PHACTR3: variants seen among roughly 807,000 people sequenced by gnomAD.
The protein encoded by PHACTR3 is protein phosphatase 1, regulatory subunit 123.
A neutral mutation model predicts 66.8 loss-of-function variants in PHACTR3; 16 were observed. That is an observed-to-expected ratio of 0.24 (90% CI 0.16 to 0.36). The LOEUF (loss-of-function observed/expected upper bound fraction) is 0.36. Among genes scored for constraint, PHACTR3 ranks in the 10% least tolerant of loss-of-function variants. PHACTR3 has a pLI of 1.00. For missense variants in PHACTR3, 647 were observed against 719.9 expected (o/e 0.90, Z 1.16); for synonymous variants, 323 against 292.1 (o/e 1.11, Z -1.08).
chr20:59,642,184 A>C (rs147904566), intron 1 of PHACTR3, among the ~76,000 whole-genome samples: 1 of 152,264 alleles, frequency 6.6e-6, no homozygotes, highest in Non-Finnish European at 1.5e-5. Context: ...AGGAAAAAAA[A>C]GACTTAGACA....
intron 1 of PHACTR3, among the ~76,000 whole-genome samples, chr20:59,617,279 A>C (rs962223429): frequency 9.9e-5 from 15 of 151,796 alleles, no homozygotes; most frequent in Non-Finnish European, 1.3e-4. Flanking sequence ...AGAAAAACCC[A>C]AAAAAAACAA....
At position 59,678,307 on chromosome 20, in the gene PHACTR3, C is replaced by T. The variant is rs1192643293; in HGVS notation, c.119-64800C>T. Among the ~76,000 whole-genome samples the T allele has an allele frequency of 2.6e-5, 4 of 152,232 alleles. No homozygotes were observed. The South Asian group carries it at 8.3e-4, about 32-fold the overall frequency. ...TTGCTTGTGGGGTGACTGTTCATAT[C>T]GTGGATGCTCAGAAAATTCTATTTT... On this transcript the variant is annotated intron_variant, in intron 1 of 12. Coordinates refer to ENST00000371015, the MANE Select transcript of PHACTR3 (RefSeq NM_080672.5).
chr20:59,640,136 G>A (rs141567949), intron 1 of PHACTR3, among the ~76,000 whole-genome samples: 42 of 152,376 alleles, frequency 2.8e-4, no homozygotes, highest in African/African-American at 8.9e-4. Context: ...CAGACCCTGG[G>A]TCAGCCCGTC....
chr20:59,588,737 T>A (rs2033108745), intron 1 of PHACTR3, among the ~76,000 whole-genome samples: 1 of 151,798 alleles, frequency 6.6e-6, no homozygotes, highest in Non-Finnish European at 1.5e-5. Flanking sequence ...CTGGCCTCCA[T>A]GCCTGGCACA....
At position 59,747,809 on chromosome 20, in the gene PHACTR3, A is replaced by G. The variant is rs768953126; in HGVS notation, c.332A>G (p.Lys111Arg). Residue 111 changes from lysine to arginine, a missense_variant, in exon 3 of 13, where the codon AAG becomes AGG. This residue lies in a region of PHACTR3 where 577 missense variants were observed against 571.1 expected (regional missense o/e 1.01). Transcript: ENST00000371015. ...GRQGREELIK[K>R]GLLEMMEQDA... ...CAAGGCCGAGAGGAGCTCATCAAGAAGGGGCTGCTGGAGATGATGGAGCAG... is the reference window on the plus strand; with the variant it reads ...CAAGGCCGAGAGGAGCTCATCAAGAGGGGGCTGCTGGAGATGATGGAGCAG... 1.2e-6 allele frequency: 2 copies of G among 1,614,014 alleles called. No homozygotes were observed. The highest frequency in any genetic ancestry group is 4.5e-5 in the East Asian group (2 of 44,890).
chr20:59,673,144 C>G (rs1169527974), intron 1 of PHACTR3, among the ~76,000 whole-genome samples: 1 of 152,178 alleles, frequency 6.6e-6, no homozygotes, highest in African/African-American at 2.4e-5. Flanking sequence ...GGGCATCTTC[C>G]TGGGACAACC....
chr20:59,691,487 A>G (rs988054304), intron 1 of PHACTR3, among the ~76,000 whole-genome samples: 11 of 152,046 alleles, frequency 7.2e-5, no homozygotes, highest in African/African-American at 2.7e-4. Flanking sequence ...CTATTTTTGG[A>G]CTTTTCATTT....
intron 1 of PHACTR3, among the ~76,000 whole-genome samples, chr20:59,654,464 G>T (rs551448369): frequency 3.3e-5 from 5 of 152,062 alleles, no homozygotes; most frequent in Non-Finnish European, 7.4e-5. Context: ...GGATAAATCA[G>T]GCTGATATAA....
At chr20:59,700,630 G>T (rs559729587) in intron 1 of PHACTR3, among the ~76,000 whole-genome samples, 1 of 152,262 alleles carries the variant, frequency 6.6e-6, no homozygotes, top group African/African-American at 2.4e-5. Context: ...ACTTGAAATG[G>T]TATGATATCT....
chr20:59,836,476 C>G, intron 8 of PHACTR3, 29 bp from the exon 9 acceptor site: 1 of 1,603,072 alleles, frequency 6.2e-7, no homozygotes, highest in East Asian at 2.3e-5. Context: ...CACTATGGTG[C>G]AAAATGTAAT....
At chr20:59,587,152 C>G (rs1482195172) in intron 1 of PHACTR3, among the ~76,000 whole-genome samples, 1 of 152,224 alleles carries the variant, frequency 6.6e-6, no homozygotes, top group Non-Finnish European at 1.5e-5. Context: ...CAGGTGGGAC[C>G]CCGTGTGCCC....
chr20:59,708,975 T>C (rs942526104), intron 1 of PHACTR3, among the ~76,000 whole-genome samples: 7 of 152,228 alleles, frequency 4.6e-5, no homozygotes, highest in Non-Finnish European at 1.0e-4. Context: ...CCAGTCTTCA[T>C]TGGCCTTCTT....
intron 1 of PHACTR3, among the ~76,000 whole-genome samples, chr20:59,670,658 A>G (rs2036166907): frequency 7.0e-6 from 1 of 143,832 alleles, no homozygotes; most frequent in African/African-American, 2.6e-5. Flanking sequence ...GTCCGGGGAG[A>G]CCCCAGGCTT....
intron 7 of PHACTR3, among the ~76,000 whole-genome samples, chr20:59,804,986 A>T (rs921836679): frequency 6.6e-6 from 1 of 152,178 alleles, no homozygotes; most frequent in African/African-American, 2.4e-5. Flanking sequence ...GCCCAAAAAA[A>T]CTGCAAAACC....
intron 1 of PHACTR3, among the ~76,000 whole-genome samples, chr20:59,723,883 T>C (rs551592118): frequency 6.6e-6 from 1 of 152,226 alleles, no homozygotes; most frequent in Admixed American, 6.5e-5. Flanking sequence ...CTTTGTGGTC[T>C]GCTCAGGAGT....
intron 1 of PHACTR3, among the ~76,000 whole-genome samples, chr20:59,725,779 A>G (rs2038539669): frequency 6.6e-6 from 1 of 152,138 alleles, no homozygotes; most frequent in Non-Finnish European, 1.5e-5. Context: ...GCCAGGGGCT[A>G]GGCTACATTC....
chr20:59,804,504 AATCTGTC>A (rs2041506887), intron 7 of PHACTR3, among the ~76,000 whole-genome samples: 1 of 152,166 alleles, frequency 6.6e-6, no homozygotes. Flanking sequence ...ATTATGAAGG[AATCTGTC>A]CCGAGACCTT....
intron 7 of PHACTR3, among the ~76,000 whole-genome samples, chr20:59,775,483 C>T (rs547411542): frequency 1.3e-5 from 2 of 152,204 alleles, no homozygotes; most frequent in South Asian, 2.1e-4. Flanking sequence ...GTGGATAGAC[C>T]GGCAGCCCAG....
At chr20:59,584,471 CGT>C (rs1280929660) in intron 1 of PHACTR3, among the ~76,000 whole-genome samples, 1 of 151,706 alleles carries the variant, frequency 6.6e-6, no homozygotes, top group Non-Finnish European at 1.5e-5. Flanking sequence ...TGAAGGTGTG[CGT>C]GAGTGTGTAT....
Sources: allele counts gnomAD v4.1 joint callset (sites outside exome capture counted in the v4.1 genomes callset), GRCh38; gene constraint gnomAD v4.1.1; regional missense constraint gnomAD v4.1.1; transcripts MANE v1.5; gene names NCBI Gene and HGNC (gene_info 2026-07-23, HGNC 2026-07-21).